ATP13A5: variants seen among roughly 807,000 people sequenced by gnomAD.
ATP13A5 encodes the protein probable cation-transporting ATPase 13A5.
A neutral mutation model predicts 150.2 loss-of-function variants in ATP13A5; 149 were observed. The ratio of observed to expected loss-of-function variants is 0.99; its 90% CI spans 0.87 to 1.14. ATP13A5 has a LOEUF of 1.14. ATP13A5 is among the 50% of genes most tolerant of loss of function. ATP13A5 has a pLI of 0.00. For missense variants in ATP13A5, 1,383 were observed against 1,449.3 expected, an observed-to-expected ratio of 0.95 and a Z score of 0.74; for synonymous variants, 497 against 522.2, an observed-to-expected ratio of 0.95 and a Z score of 0.66.
At chr3:193,313,775 GA>G in intron 19 of ATP13A5, 2 of 401,190 alleles carry the variant, frequency 5.0e-6, no homozygotes, top group Non-Finnish European at 9.0e-6. Context: ...GAATTGCTGG[GA>G]AAAGCACCTG....
chr3:193,303,639 T>C (rs1718494489), intron 23 of ATP13A5, among the ~76,000 whole-genome samples: 1 of 151,924 alleles, frequency 6.6e-6, no homozygotes, highest in Non-Finnish European at 1.5e-5. Flanking sequence ...TTCTGAATGG[T>C]GGATTATGAC....
intron 29 of ATP13A5, 24 bp downstream of exon 29, chr3:193,276,726 G>T: frequency 6.6e-7 from 1 of 1,520,132 alleles, no homozygotes; most frequent in Non-Finnish European, 9.0e-7. Context: ...TATCTTCCTA[G>T]AAAAAATATA....
At chr3:193,351,302 A>T in intron 6 of ATP13A5, 101 bp from the exon 7 acceptor site, 1 of 1,342,612 alleles carries the variant, frequency 7.4e-7, no homozygotes, top group Non-Finnish European at 1.0e-6. Context: ...TTTTTACAAC[A>T]TACACAAACC....
chr3:193,363,383 CT>C lies in ATP13A5; in HGVS notation c.238-2del, dbSNP rs772234176. 35 of 1,609,778 alleles carry C rather than the reference CT, an allele frequency of 2.2e-5. No individual in the cohort carries two copies. The South Asian group carries it at 3.5e-4, about 16-fold the overall frequency. ...TCCTCATATATCTTTGAAATTCGTC[CT>C]GGAAAAGACAATCCAGTTCATGAAA... On this transcript the variant is annotated splice_acceptor_variant, in intron 2 of 29. Transcript: ENST00000342358. LOFTEE classifies it high-confidence loss of function.
chr3:193,293,678 G>A (rs1045605328), intron 25 of ATP13A5, among the ~76,000 whole-genome samples: 1 of 152,002 alleles, frequency 6.6e-6, no homozygotes, highest in African/African-American at 2.4e-5. Context: ...TCCAAACACT[G>A]AAAATCATAT....
At chr3:193,348,612 T>G (rs1435980867) in intron 7 of ATP13A5, among the ~76,000 whole-genome samples, 1 of 152,198 alleles carries the variant, frequency 6.6e-6, no homozygotes, top group Non-Finnish European at 1.5e-5. Flanking sequence ...GTAGCATGAT[T>G]TGGGGCCCCA....
At chr3:193,356,743 A>C (rs1712805747) in intron 5 of ATP13A5, among the ~76,000 whole-genome samples, 1 of 152,232 alleles carries the variant, frequency 6.6e-6, no homozygotes, top group Non-Finnish European at 1.5e-5. Flanking sequence ...ACATCATTAA[A>C]GTATAATGTA....
rs200911309 is a variant in ATP13A5, at chr3:193,374,297, CACACAGAGAG to C, written c.63+4356_63+4365del. On this transcript the variant is annotated intron_variant, in intron 1 of 29. Transcript: ENST00000342358. ...ATTTGCACACACACACACACACACA[CACACAGAGAG>C]AGAGAGAGGAAAGATTCCATGGGTG... 2.9e-3 allele frequency among the ~76,000 whole-genome samples: 301 copies of C among 103,170 alleles called. 2 individuals are homozygous for C. The East Asian group carries it at 0.034, about 12-fold the overall frequency. 67.7% of individuals were successfully genotyped at this position (103,170 alleles called of 152,430 possible). A position where few individuals can be genotyped will look rare whatever the true frequency, so the allele number is the denominator to read the frequency against.
intron 13 of ATP13A5, 101 bp downstream of exon 13, chr3:193,326,895 A>G (rs1205007706): frequency 6.1e-6 from 6 of 991,442 alleles, no homozygotes; most frequent in Admixed American, 1.9e-5. Context: ...TATTGTATAT[A>G]TTTTATGTGA....
intron 24 of ATP13A5, 84 bp from the exon 25 acceptor site, chr3:193,299,287 T>A: frequency 9.5e-7 from 1 of 1,047,144 alleles, no homozygotes; most frequent in Non-Finnish European, 1.4e-6. Context: ...TTTAAGTCGT[T>A]AGGAGGCAGC....
At chr3:193,358,950 T>C (rs7615731) in intron 5 of ATP13A5, among the ~76,000 whole-genome samples, 65,249 of 151,870 alleles carry the variant, frequency 0.43, 14,886 homozygotes, top group African/African-American at 0.6. Context: ...TAGAGTTAAG[T>C]GGTTTTATAC....
chr3:193,365,915 A>G (rs1255321714), intron 1 of ATP13A5, among the ~76,000 whole-genome samples: 1 of 152,092 alleles, frequency 6.6e-6, no homozygotes, highest in Non-Finnish European at 1.5e-5. Flanking sequence ...AACTGGAATA[A>G]TTTTTTAGGA....
intron 25 of ATP13A5, among the ~76,000 whole-genome samples, chr3:193,298,528 G>A (rs1047360579): frequency 6.6e-6 from 1 of 151,950 alleles, no homozygotes; most frequent in Non-Finnish European, 1.5e-5. Context: ...CTATTGTTGA[G>A]CAAGGAAAAA....
intron 17 of ATP13A5, among the ~76,000 whole-genome samples, chr3:193,316,040 A>T (rs1719040363): frequency 6.6e-6 from 1 of 152,094 alleles, no homozygotes; most frequent in Non-Finnish European, 1.5e-5. Flanking sequence ...GATGCTTCAG[A>T]TAAGTAGGAT....
intron 24 of ATP13A5, among the ~76,000 whole-genome samples, chr3:193,300,179 T>C (rs1333641396): frequency 6.6e-6 from 1 of 152,172 alleles, no homozygotes; most frequent in Admixed American, 6.5e-5. Context: ...TTCTTTCTCA[T>C]ATCCTTTCCT....
chr3:193,281,280 G>A (rs907385229), intron 27 of ATP13A5: 1 of 799,126 alleles, frequency 1.3e-6, no homozygotes, highest in Admixed American at 6.2e-5. Flanking sequence ...ACTAGCAACT[G>A]GGGCTGAGTG....
chr3:193,321,691 T>C lies in ATP13A5; in HGVS notation c.1905A>G (p.Arg635=). The C allele has an allele frequency of 6.2e-7, 1 of 1,614,094 alleles. No homozygotes were observed. The highest frequency in any genetic ancestry group is 8.5e-7 in the Non-Finnish European group (1 of 1,179,990). ...GAPEMVARFC[R]SETVPKNFPQ... is the part of the protein sequence containing the mutation. ...GAAAAGTGTTAGTACCTGTTTCAGA[T>C]CTGCAGAACCTGGCCACCATTTCTG... The change falls in exon 16 of 30, where the codon AGA becomes AGG. Residue 635 remains arginine (R), a synonymous_variant. Transcript: ENST00000342358.
chr3:193,319,960 C>T (rs1719201156), intron 16 of ATP13A5, among the ~76,000 whole-genome samples: 1 of 152,204 alleles, frequency 6.6e-6, no homozygotes, highest in South Asian at 2.1e-4. Context: ...TAAGAACTAT[C>T]TTGATCTTTA....
At chr3:193,297,341 C>A (rs1450434522) in intron 25 of ATP13A5, among the ~76,000 whole-genome samples, 1 of 151,908 alleles carries the variant, frequency 6.6e-6, no homozygotes, top group Non-Finnish European at 1.5e-5. Flanking sequence ...AATTATAATA[C>A]CTGGACTTTT....
Sources: gnomAD v4.1 joint callset for allele counts (sites outside exome capture counted in the v4.1 genomes callset) on GRCh38, gnomAD v4.1.1 for gene constraint, MANE v1.5 for transcripts, NCBI Gene and HGNC (gene_info 2026-07-23, HGNC 2026-07-21) for gene names.